IL1RAPL1: variants seen among roughly 807,000 people sequenced by gnomAD.
IL1RAPL1 encodes the protein interleukin-1 receptor accessory protein-like 1.
Under a neutral mutation model 48.4 loss-of-function variants are expected in IL1RAPL1, and 3 were observed. The observed-to-expected ratio is 0.06, with a 90% CI of 0.03 to 0.16. The LOEUF is 0.16. Ranked by LOEUF, IL1RAPL1 falls within the 10% of genes least tolerant of loss-of-function variation. The pLI is 1.00. For synonymous variants in IL1RAPL1, 185 were observed against 187.7 expected (o/e 0.99, Z 0.12); for missense variants, 349 against 530.6 (o/e 0.66, Z 3.36).
intron 1 of IL1RAPL1, among the ~76,000 whole-genome samples, chrX:28,656,843 G>A (rs916090304): frequency 2.0e-4 from 22 of 109,438 alleles, no homozygotes; most frequent in Non-Finnish European, 3.8e-4. Context: ...TGGCTAACAC[G>A]GTGAAACCCC....
chrX:29,211,241 A>G (rs756053559), intron 2 of IL1RAPL1, among the ~76,000 whole-genome samples: 5 of 111,634 alleles, frequency 4.5e-5, no homozygotes, highest in Admixed American at 9.6e-5. Flanking sequence ...GATGAAAACA[A>G]AAATTGAGCA....
At chrX:28,876,207 A>G (rs1011124095) in intron 2 of IL1RAPL1, among the ~76,000 whole-genome samples, 2 of 111,582 alleles carry the variant, frequency 1.8e-5, no homozygotes, top group Non-Finnish European at 3.8e-5. Context: ...GTTGCATGCT[A>G]TCCCAGACTC....
intron 1 of IL1RAPL1, among the ~76,000 whole-genome samples, chrX:28,709,901 A>G (rs1450755436): frequency 9.0e-6 from 1 of 111,378 alleles, no homozygotes; most frequent in Non-Finnish European, 1.9e-5. Context: ...CTTATACTGT[A>G]TTGTTTTAAA....
chrX:28,991,223 A>G (rs1925595522), intron 2 of IL1RAPL1, among the ~76,000 whole-genome samples: 1 of 112,079 alleles, frequency 8.9e-6, no homozygotes, highest in Non-Finnish European at 1.9e-5. Context: ...CATTCACAAA[A>G]TATTCATACT....
At chrX:29,916,211 C>T (rs934566848) in intron 6 of IL1RAPL1, among the ~76,000 whole-genome samples, 15 of 105,729 alleles carry the variant, frequency 1.4e-4, no homozygotes, top group African/African-American at 2.4e-4. Flanking sequence ...AATAAACATA[C>T]GTGTGCATGT....
intron 2 of IL1RAPL1, among the ~76,000 whole-genome samples, chrX:28,802,849 G>A (rs1457389288): frequency 1.8e-5 from 2 of 111,204 alleles, no homozygotes; most frequent in Admixed American, 9.6e-5. Context: ...ATGAAAATGC[G>A]GTAATAAACA....
At chrX:29,403,087 G>T (rs1934014791) in intron 5 of IL1RAPL1, among the ~76,000 whole-genome samples, 2 of 111,739 alleles carry the variant, frequency 1.8e-5, no homozygotes, top group Admixed American at 9.5e-5. Context: ...GGAGTGAGAG[G>T]TTATGTTCCA....
intron 2 of IL1RAPL1, among the ~76,000 whole-genome samples, chrX:29,156,562 A>G (rs145616831): frequency 0.012 from 1,298 of 111,589 alleles, 19 homozygotes; most frequent in African/African-American, 0.039. Flanking sequence ...TGGAATACGA[A>G]TCACATTGTG....
intron 2 of IL1RAPL1, among the ~76,000 whole-genome samples, chrX:28,924,865 G>A (rs1009952011): frequency 1.2e-4 from 13 of 112,060 alleles, no homozygotes; most frequent in African/African-American, 4.2e-4. Flanking sequence ...ATTGGAAGAA[G>A]CAAGGGCACA....
chrX:29,558,402 T>C lies in IL1RAPL1; in HGVS notation c.704-110028T>C, dbSNP rs73631664. Among the ~76,000 whole-genome samples, 882 of 111,982 alleles carry C rather than the reference T, an allele frequency of 7.9e-3. 8 individuals are homozygous for C. Among genetic ancestry groups the C allele is most frequent in the African/African-American group, 0.027 (819 of 30,894 alleles). On this transcript the variant is annotated intron_variant, in intron 5 of 10. Transcript: ENST00000378993. ...GCTTATTTGTTGTTGTTGTTTGCTA[T>C]TGAGTTGTTTGAGTTCCATATATAT...
intron 3 of IL1RAPL1, among the ~76,000 whole-genome samples, chrX:29,325,974 C>T (rs2147629462): frequency 9.0e-6 from 1 of 111,457 alleles, no homozygotes; most frequent in Admixed American, 9.5e-5. Flanking sequence ...AGTACAGCAC[C>T]AAGCCATTCA....
chrX:29,031,217 T>C (rs1252104959), intron 2 of IL1RAPL1, among the ~76,000 whole-genome samples: 1 of 112,305 alleles, frequency 8.9e-6, no homozygotes, highest in Admixed American at 9.4e-5. Flanking sequence ...TAGTGTCCCT[T>C]GGATGTGTAA....
chrX:29,466,359 T>C (rs1322960659), intron 5 of IL1RAPL1, among the ~76,000 whole-genome samples: 1 of 111,926 alleles, frequency 8.9e-6, no homozygotes, highest in African/African-American at 3.2e-5. Context: ...ATCCCTCTTA[T>C]TTATTGAGCA....
chrX:29,107,082 A>G (rs1019083797), intron 2 of IL1RAPL1, among the ~76,000 whole-genome samples: 3 of 112,147 alleles, frequency 2.7e-5, no homozygotes, highest in Non-Finnish European at 5.6e-5. Flanking sequence ...TATTCAAGTT[A>G]AGTTCTAAAT....
chrX:29,028,186 G>A (rs146592156), intron 2 of IL1RAPL1, among the ~76,000 whole-genome samples: 66 of 109,401 alleles, frequency 6.0e-4, no homozygotes, highest in African/African-American at 1.9e-3. Flanking sequence ...ACAATAGATC[G>A]CTTGGACTTA....
At chrX:29,934,048 A>G (rs998928685) in intron 8 of IL1RAPL1, among the ~76,000 whole-genome samples, 4 of 110,114 alleles carry the variant, frequency 3.6e-5, no homozygotes, top group African/African-American at 1.3e-4. Flanking sequence ...TGGTAAATGA[A>G]AAAAAAAAGG....
chrX:29,402,456 C>T (rs751233328), intron 5 of IL1RAPL1, among the ~76,000 whole-genome samples: 2 of 111,802 alleles, frequency 1.8e-5, no homozygotes, highest in Non-Finnish European at 3.8e-5. Flanking sequence ...AGAATGTGAG[C>T]AACTTAGAGT....
chrX:29,737,960 C>A (rs1001218347), intron 6 of IL1RAPL1, among the ~76,000 whole-genome samples: 6 of 112,463 alleles, frequency 5.3e-5, no homozygotes, highest in African/African-American at 1.9e-4. Context: ...TTCATAACTT[C>A]TGTTCCAACA....
intron 2 of IL1RAPL1, among the ~76,000 whole-genome samples, chrX:29,054,387 A>G (rs1275536852): frequency 1.8e-5 from 2 of 111,409 alleles, no homozygotes; most frequent in Admixed American, 9.6e-5. Flanking sequence ...GAAACCAAAT[A>G]CCGCTGCCTC....
Sources: gnomAD v4.1 joint callset for allele counts (sites outside exome capture counted in the v4.1 genomes callset) on GRCh38, gnomAD v4.1.1 for gene constraint, MANE v1.5 for transcripts, NCBI Gene and HGNC (gene_info 2026-07-23, HGNC 2026-07-21) for gene names.